EGFR: variants seen among roughly 807,000 people sequenced by gnomAD.
EGFR encodes avian erythroblastic leukemia viral (v-erb-b) oncogene homolog.
EGFR carries 58 observed loss-of-function variants against 143.0 expected under a neutral mutation model. That is an observed-to-expected ratio of 0.41 (90% CI 0.33 to 0.50). EGFR has a LOEUF of 0.50. Ranked by LOEUF, EGFR falls within the 20% of genes least tolerant of loss-of-function variation. The pLI is 0.39. For synonymous variants in EGFR, 613 were observed against 594.4 expected (o/e 1.03, Z -0.45); for missense variants, 1,307 against 1,579.0 (o/e 0.83, Z 2.92).
intron 1 of EGFR, among the ~76,000 whole-genome samples, chr7:55,060,565 A>G (rs1789108254): frequency 2.6e-5 from 4 of 152,178 alleles, no homozygotes. Context: ...CATGAACCCA[A>G]GATATAATCA....
chr7:55,079,165 G>T (rs1007209572), intron 1 of EGFR, among the ~76,000 whole-genome samples: 4 of 152,180 alleles, frequency 2.6e-5, no homozygotes, highest in African/African-American at 9.7e-5. Flanking sequence ...CTAAGGCTGG[G>T]CGGGGGCGGG....
chr7:55,063,216 C>G (rs1454042310), intron 1 of EGFR, among the ~76,000 whole-genome samples: 1 of 152,236 alleles, frequency 6.6e-6, no homozygotes, highest in Non-Finnish European at 1.5e-5. Flanking sequence ...CCTCATTAAA[C>G]TGGCTCCCTT....
At position 55,205,416 on chromosome 7, in the gene EGFR, C is replaced by T. The variant is rs2128975354; in HGVS notation, c.3432C>T (p.Pro1144=). 1 of 1,614,138 alleles carries T rather than the reference C, an allele frequency of 6.2e-7. No individual in the cohort carries two copies. Among genetic ancestry groups the T allele is most frequent in the Non-Finnish European group, 8.5e-7 (1 of 1,180,028 alleles). The change falls in exon 28 of 28, where the codon CCC becomes CCT. Residue 1144 remains proline, a synonymous_variant. Transcript: ENST00000275493. ...CCGAGTATCTCAACACTGTCCAGCC[C>T]ACCTGTGTCAACAGCACATTCGACA... ...GNPEYLNTVQ[P]TCVNSTFDSP...
chr7:55,150,421 G>A (rs1785093769), intron 4 of EGFR, among the ~76,000 whole-genome samples: 1 of 152,124 alleles, frequency 6.6e-6, no homozygotes, highest in African/African-American at 2.4e-5. Context: ...CTTTGCCTTG[G>A]TGGTATTCTG....
At chr7:55,201,646 C>A (rs2128972345) in intron 25 of EGFR, 89 bp from the exon 26 acceptor site, 2 of 1,495,376 alleles carry the variant, frequency 1.3e-6, no homozygotes, top group South Asian at 1.1e-5. Context: ...CACAATATAC[C>A]CTCCATGAGG....
chr7:55,077,859 C>T (rs984263932), intron 1 of EGFR, among the ~76,000 whole-genome samples: 12 of 152,114 alleles, frequency 7.9e-5, no homozygotes, highest in Admixed American at 7.9e-4. Flanking sequence ...GAGGCAGCTC[C>T]GAAGAGCTGG....
intron 22 of EGFR, among the ~76,000 whole-genome samples, chr7:55,196,199 T>TTTTTTTTTTTTTTTTA (rs1787610497): frequency 6.7e-6 from 1 of 150,092 alleles, no homozygotes; most frequent in African/African-American, 2.5e-5. Flanking sequence ...TTTTTACTTT[T>TTTTTTTTTTTTTTTTA]CAATAATAGC....
chr7:55,072,324 C>T (rs192129080), intron 1 of EGFR, among the ~76,000 whole-genome samples: 67 of 152,300 alleles, frequency 4.4e-4, no homozygotes, highest in African/African-American at 2.9e-4. Flanking sequence ...CATTATATCA[C>T]GGACAAAAGC....
At chr7:55,128,653 A>T (rs1435670324) in intron 1 of EGFR, among the ~76,000 whole-genome samples, 1 of 152,180 alleles carries the variant, frequency 6.6e-6, no homozygotes, top group South Asian at 2.1e-4. Flanking sequence ...ATTCTAGAAG[A>T]CTCCATGTTT....
At chr7:55,155,767 C>CT in intron 7 of EGFR, 63 bp from the exon 8 acceptor site, 1 of 1,341,458 alleles carries the variant, frequency 7.5e-7, no homozygotes, top group South Asian at 1.2e-5. Flanking sequence ...CCTGGACCGC[C>CT]TGTGTGAGGC....
chr7:55,069,145 A>C (rs1228380814), intron 1 of EGFR, among the ~76,000 whole-genome samples: 2 of 152,242 alleles, frequency 1.3e-5, no homozygotes, highest in Non-Finnish European at 2.9e-5. Flanking sequence ...AAATTCACTA[A>C]ATGCAAATAA....
chr7:55,145,480 G>A (rs1332072355), intron 3 of EGFR, among the ~76,000 whole-genome samples: 2 of 152,170 alleles, frequency 1.3e-5, no homozygotes, highest in East Asian at 3.8e-4. Flanking sequence ...TCCCTGCACT[G>A]GGTCTCCTGT....
At chr7:55,025,402 A>G (rs1472481127) in intron 1 of EGFR, among the ~76,000 whole-genome samples, 8 of 152,200 alleles carry the variant, frequency 5.3e-5, no homozygotes, top group Non-Finnish European at 1.2e-4. Context: ...ATTGACACCC[A>G]GGCTTCTCAC....
At chr7:55,196,700 G>A (rs1171710885) in intron 22 of EGFR, among the ~76,000 whole-genome samples, 5 of 151,718 alleles carry the variant, frequency 3.3e-5, no homozygotes, top group Non-Finnish European at 7.4e-5. Context: ...TTTTGTGTAT[G>A]GTGTAAGGAA....
chr7:55,160,784 C>T (rs760932454), intron 12 of EGFR, among the ~76,000 whole-genome samples: 4 of 152,238 alleles, frequency 2.6e-5, no homozygotes, highest in Admixed American at 6.5e-5. Flanking sequence ...GCCTTGGCCA[C>T]GGGCAGCGTC....
At chr7:55,128,538 G>T (rs375735158) in intron 1 of EGFR, among the ~76,000 whole-genome samples, 6 of 152,158 alleles carry the variant, frequency 3.9e-5, no homozygotes, top group Admixed American at 3.9e-4. Flanking sequence ...AAGAATATAC[G>T]ACGTGTGTTC....
rs41488147 is a variant in EGFR, at chr7:55,141,995, A to T, written c.89-291A>T. 3.9e-3 allele frequency among the ~76,000 whole-genome samples: 592 copies of T among 152,336 alleles called. 2 individuals carry two copies. The highest frequency in any genetic ancestry group is 5.6e-3 in the Non-Finnish European group (384 of 68,032). On this transcript the variant is annotated intron_variant, in intron 1 of 27. Coordinates refer to ENST00000275493, the MANE Select transcript of EGFR (RefSeq NM_005228.5). ...TTGGCATTTTAATGCAATTCAATGC[A>T]TTATAGGGACAAGCTATCTCTTATT...
intron 19 of EGFR, chr7:55,180,200 G>A (rs1786797523): frequency 6.6e-6 from 1 of 152,270 alleles, no homozygotes; most frequent in Non-Finnish European, 1.5e-5. Flanking sequence ...GCTGAGATGT[G>A]AAAAGCAGCT....
At chr7:55,112,576 C>T (rs1792575084) in intron 1 of EGFR, among the ~76,000 whole-genome samples, 1 of 152,214 alleles carries the variant, frequency 6.6e-6, no homozygotes, top group Non-Finnish European at 1.5e-5. Flanking sequence ...GCTGCCCCCT[C>T]AGAAGGCCCT....
Sources: gnomAD v4.1 joint callset for allele counts (sites outside exome capture counted in the v4.1 genomes callset) on GRCh38, gnomAD v4.1.1 for gene constraint, MANE v1.5 for transcripts, NCBI Gene and HGNC (gene_info 2026-07-23, HGNC 2026-07-21) for gene names.